The following HR variants were observed in gnomAD, a reference collection of about 807,000 sequenced individuals.
The protein encoded by HR is lysine-specific demethylase hairless.
In HR, 83 loss-of-function variants were observed where a neutral mutation model predicts 128.6. That is an observed-to-expected ratio of 0.65 (90% CI 0.54 to 0.77). The LOEUF (loss-of-function observed/expected upper bound fraction) is 0.77. Among genes scored for constraint, HR ranks in the 30% least tolerant of loss-of-function variants. The pLI is 0.00. For missense variants in HR, 1,490 were observed against 1,574.6 expected, an observed-to-expected ratio of 0.95 and a Z score of 0.91; for synonymous variants, 681 against 658.2, an observed-to-expected ratio of 1.03 and a Z score of -0.53.
chr8:22,119,127 A>G (rs1476084509), intron 15 of HR, 37 bp downstream of exon 15: 3 of 1,613,640 alleles, frequency 1.9e-6, no homozygotes, highest in East Asian at 4.5e-5. Flanking sequence ...TCACCTCTGT[A>G]GCTTGTCCCC....
In HR at chr8:22,122,960, T is replaced by C. The variant is rs1272147767; in HGVS notation, c.1916-81A>G. ...AAGGTCAGAGAAGGTCAGGACATGA[T>C]ACCTAAACCAGGGGACTCAATAGTC... On this transcript the variant is annotated intron_variant, in intron 6 of 18. Transcript: ENST00000381418. The C allele has an allele frequency of 2.2e-6, 3 of 1,333,936 alleles. No homozygotes were observed. The African/African-American group carries it at 4.4e-5, about 19-fold the overall frequency. 82.6% of individuals were successfully genotyped at this position (1,333,936 alleles called of 1,614,324 possible).
chr8:22,123,796 T>C lies in HR; in HGVS notation c.1768A>G (p.Thr590Ala). ...AQREGQGPAV[T>A]EDSPGIPRCC... ...CGTGGAATGCCTGGGCTGTCCTCTG[T>C]CACGGCTGGCCCTTGGCCTGCTGAC... Residue 590 changes from threonine to alanine, a missense_variant, in exon 6 of 19, where the codon ACA (threonine) becomes GCA (alanine). By Grantham distance (58) the Thr-to-Ala change is moderately conservative (BLOSUM62 0). Around this residue, in one of 3 missense-constraint regions of HR, gnomAD observed 1,060 missense variants for 1,060.9 expected, o/e 1.00. Coordinates refer to ENST00000381418, the MANE Select transcript of HR (RefSeq NM_005144.5). 3 of 1,602,510 alleles carry C rather than the reference T, an allele frequency of 1.9e-6. No individual in the cohort carries two copies. Among genetic ancestry groups the C allele is most frequent in the Non-Finnish European group, 1.7e-6 (2 of 1,177,094 alleles).
In HR at chr8:22,122,819, A is replaced by C; in HGVS notation, c.1976T>G (p.Leu659Arg). 6.4e-7 allele frequency: 1 copy of C among 1,555,860 alleles called. No individual in the cohort carries two copies. The highest frequency in any genetic ancestry group is 8.7e-7 in the Non-Finnish European group (1 of 1,149,846). ...GCTGGAGACAAACTGGGTCAGCATC[A>C]GGGAACAGGCAGCGTGCCCGGCCTC... ...TQEAGHAACS[L>R]MLTQFVSSQA... Residue 659 changes from leucine (L) to arginine (R), a missense_variant, in exon 7 of 19, where the codon CTG becomes CGG. Around this residue, in one of 3 missense-constraint regions of HR, gnomAD observed 1,060 missense variants for 1,060.9 expected, o/e 1.00. Transcript: ENST00000381418.
chr8:22,116,279 G>T lies in HR; in HGVS notation c.3507+21C>A. 6.2e-7 allele frequency: 1 copy of T among 1,611,600 alleles called. No homozygotes were observed. The highest frequency in any genetic ancestry group is 1.1e-5 in the South Asian group (1 of 90,962). On this transcript the variant is annotated intron_variant, in intron 18 of 18. Coordinates refer to ENST00000381418, the MANE Select transcript of HR (RefSeq NM_005144.5). The surrounding 1 kb of genome is among the most constrained non-coding windows in gnomAD (Gnocchi z 4.2). ...GAGGCTTGGGTAGCACACCCAGCCT[G>T]CTGGCCCACATCCCACTCACCTGGG...
In HR at chr8:22,128,898, C is replaced by A. The variant is rs1311797279; in HGVS notation, c.273G>T (p.Leu91=). ...PQNGERKVNW[L]GSKEGLRWKE... Reference sequence around the variant, plus strand: ...TCCAGCGCAGTCCCTCTTTGCTGCCCAGCCAGTTGACCTTCCTCTCCCCAT... The same window carrying A: ...TCCAGCGCAGTCCCTCTTTGCTGCCAAGCCAGTTGACCTTCCTCTCCCCAT... Residue 91 remains leucine, a synonymous_variant, in exon 2 of 19, where the codon CTG becomes CTT. Coordinates refer to ENST00000381418, the MANE Select transcript of HR (RefSeq NM_005144.5). 15 of 1,613,510 alleles carry A rather than the reference C, an allele frequency of 9.3e-6. No homozygotes were observed. Among genetic ancestry groups the A allele is most frequent in the Non-Finnish European group, 1.2e-5 (14 of 1,180,020 alleles).
In HR at chr8:22,127,430, G is replaced by C. The variant is rs1053514161; in HGVS notation, c.1012C>G (p.Leu338Val). 7 of 1,612,622 alleles carry C rather than the reference G, an allele frequency of 4.3e-6. No individual in the cohort carries two copies. The highest frequency in any genetic ancestry group is 5.9e-6 in the Non-Finnish European group (7 of 1,179,470). ...TCCTGGCACTTCCCACAAGGGCCAA[G>C]ACCCCCACCTTTAGTGGGTGGGTAG... is the stretch of plus-strand genomic sequence containing the variant. Reference protein sequence around the residue: ...SSYPPTKGGGLGPCGKCQEGL... With the variant: ...SSYPPTKGGGVGPCGKCQEGL... The change falls in exon 3 of 19, where the codon CTT becomes GTT. Residue 338 changes from leucine to valine, a missense_variant. Leu to Val is a conservative substitution (Grantham distance 32). Around this residue, in one of 3 missense-constraint regions of HR, gnomAD observed 1,060 missense variants for 1,060.9 expected, o/e 1.00. Coordinates refer to ENST00000381418, the MANE Select transcript of HR (RefSeq NM_005144.5).
At position 22,129,118 on chromosome 8, in the gene HR, G is replaced by A; in HGVS notation, c.53C>T (p.Ala18Val). Residue 18 changes from alanine (A) to valine (V), a missense_variant, in exon 2 of 19, where the codon GCC becomes GTC. Ala to Val is a moderately conservative substitution (Grantham distance 64). Transcript: ENST00000381418. Reference sequence around the variant, plus strand: ...CTGTCTCACGATGCCGTTCTCTGGGGCCGTCTTCTCCCAGGTTGGGGTGCC... The same window carrying A: ...CTGTCTCACGATGCCGTTCTCTGGGACCGTCTTCTCCCAGGTTGGGGTGCC... ...LKGTPTWEKTAPENGIVRQEP... is the reference protein window; with the variant it reads ...LKGTPTWEKTVPENGIVRQEP... 6.4e-7 allele frequency: 1 copy of A among 1,565,362 alleles called. No homozygotes were observed. Among genetic ancestry groups the A allele is most frequent in the South Asian group, 1.2e-5 (1 of 81,606 alleles).
intron 3 of HR, among the ~76,000 whole-genome samples, chr8:22,126,814 C>G (rs983251201): frequency 3.3e-5 from 5 of 152,238 alleles, no homozygotes; most frequent in African/African-American, 1.2e-4. Flanking sequence ...TATACTGCCA[C>G]CAACACACCA....
intron 13 of HR, 81 bp from the exon 14 acceptor site, chr8:22,119,971 A>T (rs1344420849): frequency 6.2e-7 from 1 of 1,606,044 alleles, no homozygotes; most frequent in East Asian, 2.2e-5. Flanking sequence ...CACCGGGGTA[A>T]CTCCCAGAGG....
intron 5 of HR, among the ~76,000 whole-genome samples, 189 bp downstream of exon 5, chr8:22,125,122 A>G (rs1251630860): frequency 1.3e-5 from 2 of 152,104 alleles, no homozygotes; most frequent in East Asian, 1.9e-4. Context: ...TGTTTTCCCA[A>G]CAAGCCCAAA....
intron 3 of HR, among the ~76,000 whole-genome samples, chr8:22,125,950 G>A (rs1335670528): frequency 6.6e-6 from 1 of 152,210 alleles, no homozygotes; most frequent in African/African-American, 2.4e-5. Context: ...GACATGGACC[G>A]GCAGCCGAGC....
At chr8:22,118,664 G>A in intron 16 of HR, 1 of 500,708 alleles carries the variant, frequency 2.0e-6, no homozygotes, top group Non-Finnish European at 3.6e-6. Context: ...ACAGATAATT[G>A]TGCCTAAGGC....
rs1419575144 is a variant in HR at position 22,116,915 on chromosome 8, G to A, written c.3338C>T (p.Pro1113Leu). The change falls in exon 17 of 19, where the codon CCC (proline) becomes CTC (leucine). Residue 1113 changes from proline (P) to leucine (L), a missense_variant. Around this residue, in one of 3 missense-constraint regions of HR, gnomAD observed 423 missense variants for 495.9 expected, o/e 0.85. Coordinates refer to ENST00000381418, the MANE Select transcript of HR (RefSeq NM_005144.5). This position sits in a 1 kb window ranked among gnomAD's most constrained non-coding sequence, Gnocchi z 4.2. ...TGCAGGCACCAGCACGGCCTCTCCG[G>A]GGGCCTGGAGCAGGGTCCAGCAGCT... ...GVSCWTLLQAPGEAVLVPAGA... is the reference protein window; with the variant it reads ...GVSCWTLLQALGEAVLVPAGA... 6.4e-7 allele frequency: 1 copy of A among 1,558,510 alleles called. No individual in the cohort carries two copies. The highest frequency in any genetic ancestry group is 1.2e-5 in the South Asian group (1 of 85,402).
chr8:22,118,836 C>A, intron 16 of HR, 114 bp downstream of exon 16: 1 of 870,030 alleles, frequency 1.1e-6, no homozygotes, highest in South Asian at 1.5e-5. Flanking sequence ...CTGTGCAGCT[C>A]ACCTGAGGGC....
rs765531368 is a variant in HR at position 22,119,715 on chromosome 8, A to G, written c.2977+45T>C. On this transcript the variant is annotated intron_variant, in intron 14 of 18. Transcript: ENST00000381418. ...TCGTGTGCCCCGAGATGACAGGCAGACAGGCATGGGAGTAGAGACTGGGCA... is the reference window on the plus strand; with the variant it reads ...TCGTGTGCCCCGAGATGACAGGCAGGCAGGCATGGGAGTAGAGACTGGGCA... 1.9e-6 allele frequency: 3 copies of G among 1,567,890 alleles called. No individual in the cohort carries two copies. The South Asian group carries it at 3.6e-5, about 19-fold the overall frequency.
chr8:22,120,794 A>C lies in HR; in HGVS notation c.2532T>G (p.Ala844=). The change falls in exon 11 of 19, where the codon GCT becomes GCG. Residue 844 remains alanine, a synonymous_variant. Transcript: ENST00000381418. The part of the protein sequence containing the change: ...PVRPRLPPPG[A]LLWLQEPQPC... ...GCTGGGGCTCCTGCAGCCACAGCAA[A>C]GCCCCTGGGGGAGGCAGCCGGGGCC... 1.9e-6 allele frequency: 3 copies of C among 1,539,920 alleles called. No individual in the cohort carries two copies. Among genetic ancestry groups the C allele is most frequent in the Non-Finnish European group, 2.6e-6 (3 of 1,140,014 alleles).
chr8:22,129,104 T>C lies in HR; in HGVS notation c.67A>G (p.Ile23Val), dbSNP rs1168880316. The change falls in exon 2 of 19, where the codon ATC becomes GTC. Residue 23 changes from isoleucine to valine, a missense_variant. Transcript: ENST00000381418. ...TWEKTAPENG[I>V]VRQEPGSPPR... ...GGGCTGCCGGGCTCCTGTCTCACGATGCCGTTCTCTGGGGCCGTCTTCTCC... is the reference window on the plus strand; with the variant it reads ...GGGCTGCCGGGCTCCTGTCTCACGACGCCGTTCTCTGGGGCCGTCTTCTCC... 6.4e-7 allele frequency: 1 copy of C among 1,570,576 alleles called. No homozygotes were observed. Among genetic ancestry groups the C allele is most frequent in the Middle Eastern group, 1.7e-4 (1 of 5,836 alleles).
chr8:22,119,308 G>A (rs1434733252), intron 14 of HR, 25 bp from the exon 15 acceptor site: 1 of 1,612,994 alleles, frequency 6.2e-7, no homozygotes, highest in Non-Finnish European at 8.5e-7. Context: ...AGAAAGAACA[G>A]TTAGAAATGG....
intron 1 of HR, 31 bp from the exon 2 acceptor site, chr8:22,129,241 TG>T: frequency 2.7e-6 from 4 of 1,495,572 alleles, no homozygotes; most frequent in Non-Finnish European, 3.6e-6. Flanking sequence ...CATGAGCTTC[TG>T]GGGCACATGT....
Sources: allele counts gnomAD v4.1 joint callset (sites outside exome capture counted in the v4.1 genomes callset), GRCh38; gene constraint gnomAD v4.1.1; regional missense constraint gnomAD v4.1.1; non-coding constraint Gnocchi (gnomAD v3.1); transcripts MANE v1.5; gene names NCBI Gene and HGNC (gene_info 2026-07-23, HGNC 2026-07-21).